Variants in UTRN observed in about 807,000 individuals in gnomAD.
The protein encoded by UTRN is utrophin.
UTRN carries 283 observed loss-of-function variants against 463.9 expected under a neutral mutation model. That is an observed-to-expected ratio of 0.61 (90% confidence interval 0.55 to 0.67). UTRN has a LOEUF of 0.67. Among genes scored for constraint, UTRN ranks in the 30% least tolerant of loss-of-function variants. The pLI, the probability that UTRN is intolerant of heterozygous loss-of-function variation, is 0.00. For synonymous variants in UTRN, 1,442 were observed against 1,431.5 expected (o/e 1.01, Z -0.17); for missense variants, 3,922 against 4,084.3 (o/e 0.96, Z 1.08).
chr6:144,798,806 A>C (rs1777458955), intron 64 of UTRN, among the ~76,000 whole-genome samples: 1 of 152,240 alleles, frequency 6.6e-6, no homozygotes, highest in Non-Finnish European at 1.5e-5. Flanking sequence ...CAGTGGCACG[A>C]TCTTGGTTCA....
In UTRN at chr6:144,458,929, A is replaced by G. The variant is rs958644345; in HGVS notation, c.2444A>G (p.Lys815Arg). The stretch of plus-strand genomic sequence containing the variant: ...CTTGATGAGCTTGAAAAGGTCATCA[A>G]GACAAAGGAGGAGTGGGTAAAACAC... ...KQLDELEKVI[K>R]TKEEWVKHTS... The change falls in exon 20 of 75, where the codon AAG becomes AGG. Residue 815 changes from lysine (K) to arginine (R), a missense_variant. Lys to Arg is a conservative substitution (Grantham distance 26). This residue lies in a region of UTRN where 2,349 missense variants were observed against 2,303.8 expected (regional missense o/e 1.02). Coordinates refer to ENST00000367545, the MANE Select transcript of UTRN (RefSeq NM_007124.3). 2.5e-6 allele frequency: 4 copies of G among 1,613,970 alleles called. No individual in the cohort carries two copies. The highest frequency in any genetic ancestry group is 1.3e-5 in the African/African-American group (1 of 75,046).
chr6:144,615,974 C>G (rs997094361), intron 51 of UTRN, among the ~76,000 whole-genome samples: 1 of 152,124 alleles, frequency 6.6e-6, no homozygotes, highest in African/African-American at 2.4e-5. Context: ...TCACTCCTGT[C>G]CCCTGGCCCA....
At chr6:144,635,836 G>A (rs1777114043) in intron 51 of UTRN, among the ~76,000 whole-genome samples, 1 of 151,976 alleles carries the variant, frequency 6.6e-6, no homozygotes, top group Non-Finnish European at 1.5e-5. Context: ...ATCGTGCCCA[G>A]CCTAGGCCCC....
At chr6:144,670,306 A>G (rs1019466349) in intron 51 of UTRN, among the ~76,000 whole-genome samples, 1 of 151,628 alleles carries the variant, frequency 6.6e-6, no homozygotes, top group Non-Finnish European at 1.5e-5. Context: ...TTTATTTTTT[A>G]ATTATGGCCA....
chr6:144,765,611 A>G lies in UTRN; in HGVS notation c.8496-6296A>G, dbSNP rs181470784. Among the ~76,000 whole-genome samples the G allele has an allele frequency of 1.1e-3, 172 of 152,072 alleles. 1 individual carries two copies. Among genetic ancestry groups the G allele is most frequent in the Non-Finnish European group, 1.1e-3 (78 of 67,988 alleles). On this transcript the variant is annotated intron_variant, in intron 58 of 74. Coordinates refer to ENST00000367545, the MANE Select transcript of UTRN (RefSeq NM_007124.3). ...CTTTTTTTAGAGATGGAGTCTTGCT[A>G]TGTTGCCCAGGCTGGTCTCAAACTC...
At position 144,300,867 on chromosome 6, in the gene UTRN, T is replaced by C. The variant is rs144354693; in HGVS notation, c.79+8960T>C. 2.6e-3 allele frequency among the ~76,000 whole-genome samples: 395 copies of C among 152,322 alleles called. 2 individuals carry two copies. Among genetic ancestry groups the C allele is most frequent in the African/African-American group, 9.0e-3 (374 of 41,588 alleles). ...AAGTAATAAAATACCCCGAAGCAAA[T>C]AGACTTTAAAACAACATTTGGTCCT... On this transcript the variant is annotated intron_variant, in intron 2 of 74. Coordinates refer to ENST00000367545, the MANE Select transcript of UTRN (RefSeq NM_007124.3).
rs184306201 is a variant in UTRN at position 144,820,855 on chromosome 6, G to C, written c.9358-27G>C. The C allele has an allele frequency of 4.1e-3, 6,576 of 1,598,570 alleles. 36 individuals are homozygous for C. Among genetic ancestry groups the C allele is most frequent in the Non-Finnish European group, 4.3e-3 (5,016 of 1,171,922 alleles). ...GTTATTGCCTTCCATTTTACTGAGA[G>C]AAGTGTAATTGTTTTCAACCTTATA... On this transcript the variant is annotated intron_variant, in intron 65 of 74. Coordinates refer to ENST00000367545, the MANE Select transcript of UTRN (RefSeq NM_007124.3).
At chr6:144,395,621 A>T (rs973497146) in intron 2 of UTRN, among the ~76,000 whole-genome samples, 1 of 152,206 alleles carries the variant, frequency 6.6e-6, no homozygotes, top group African/African-American at 2.4e-5. Context: ...AAATTAGAAG[A>T]TGGAATTAAT....
chr6:144,840,279 G>A (rs1340488827), intron 72 of UTRN, among the ~76,000 whole-genome samples: 1 of 152,066 alleles, frequency 6.6e-6, no homozygotes, highest in East Asian at 1.9e-4. Flanking sequence ...ACACATCCTA[G>A]TGAAAAGTAT....
At chr6:144,561,205 T>TTATATA (rs1162903466) in intron 50 of UTRN, among the ~76,000 whole-genome samples, 11 of 60,200 alleles carry the variant, frequency 1.8e-4, no homozygotes, top group Non-Finnish European at 3.1e-4. Context: ...AAAAATAACA[T>TTATATA]TATATATATA....
chr6:144,691,955 A>G (rs1285683033), intron 52 of UTRN, among the ~76,000 whole-genome samples: 1 of 152,090 alleles, frequency 6.6e-6, no homozygotes, highest in Non-Finnish European at 1.5e-5. Context: ...AACTAGTGTC[A>G]TGGGGGTTTG....
intron 73 of UTRN, among the ~76,000 whole-genome samples, chr6:144,842,801 C>T (rs114462971): frequency 6.6e-6 from 1 of 151,706 alleles, no homozygotes; most frequent in Non-Finnish European, 1.5e-5. Context: ...AGTCTCCACA[C>T]CCACCTCCCC....
chr6:144,574,280 G>A (rs1261163874), intron 50 of UTRN, among the ~76,000 whole-genome samples: 2 of 152,166 alleles, frequency 1.3e-5, no homozygotes, highest in African/African-American at 4.8e-5. Context: ...GTAAGTGCTA[G>A]GATGAGGTTG....
intron 34 of UTRN, among the ~76,000 whole-genome samples, chr6:144,504,052 G>A (rs776707659): frequency 7.9e-5 from 12 of 151,872 alleles, no homozygotes; most frequent in Non-Finnish European, 1.3e-4. Context: ...TATTATTGGT[G>A]TATAGGAATG....
At chr6:144,534,659 A>T (rs745867610) in intron 43 of UTRN, among the ~76,000 whole-genome samples, 1 of 152,194 alleles carries the variant, frequency 6.6e-6, no homozygotes, top group African/African-American at 2.4e-5. Context: ...TAATGACTTG[A>T]TCGATATTTA....
intron 2 of UTRN, among the ~76,000 whole-genome samples, chr6:144,307,164 C>T (rs762095766): frequency 5.3e-5 from 8 of 151,934 alleles, no homozygotes; most frequent in Admixed American, 2.6e-4. Context: ...TGGTAGATGA[C>T]GGCAGCGGAA....
intron 32 of UTRN, 135 bp from the exon 33 acceptor site, chr6:144,493,166 G>T: frequency 1.4e-6 from 1 of 729,666 alleles, no homozygotes; most frequent in East Asian, 2.9e-5. Flanking sequence ...GACCAAATCT[G>T]AGAAAGATGA....
At chr6:144,566,407 T>C (rs1800405714) in intron 50 of UTRN, among the ~76,000 whole-genome samples, 1 of 152,170 alleles carries the variant, frequency 6.6e-6, no homozygotes, top group Admixed American at 6.5e-5. Context: ...TGAACTACTC[T>C]TTAATAGCAT....
intron 60 of UTRN, among the ~76,000 whole-genome samples, chr6:144,778,605 C>A (rs1448180500): frequency 6.7e-6 from 1 of 148,668 alleles, no homozygotes; most frequent in East Asian, 2.0e-4. Flanking sequence ...AGGGGAAATG[C>A]TAATAATAAT....
Sources: gnomAD v4.1 joint callset for allele counts (sites outside exome capture counted in the v4.1 genomes callset) on GRCh38, gnomAD v4.1.1 for gene constraint, gnomAD v4.1.1 regional missense constraint, MANE v1.5 for transcripts, NCBI Gene and HGNC (gene_info 2026-07-23, HGNC 2026-07-21) for gene names.